Variants in FRAS1 observed in about 807,000 individuals in gnomAD.
FRAS1 encodes the protein Fraser extracellular matrix complex subunit 1.
In FRAS1, 290 loss-of-function variants were observed where a neutral mutation model predicts 435.2. The ratio of observed to expected loss-of-function variants is 0.67; its 90% CI spans 0.61 to 0.73. The LOEUF (loss-of-function observed/expected upper bound fraction) is 0.73, where lower values mean the gene tolerates loss of function less well. Among genes scored for constraint, FRAS1 ranks in the 30% least tolerant of loss-of-function variants. FRAS1 has a pLI of 0.00. For missense variants in FRAS1, 4,860 were observed against 5,001.5 expected, an observed-to-expected ratio of 0.97 and a Z score of 0.85; for synonymous variants, 1,800 against 1,851.0, an observed-to-expected ratio of 0.97 and a Z score of 0.71.
chr4:78,435,976 C>T (rs1313581532), intron 38 of FRAS1, among the ~76,000 whole-genome samples: 4 of 151,764 alleles, frequency 2.6e-5, no homozygotes, highest in African/African-American at 4.8e-5. Flanking sequence ...TAAGGAAGGG[C>T]GGAACATCTT....
intron 10 of FRAS1, among the ~76,000 whole-genome samples, chr4:78,280,723 G>A (rs970596595): frequency 1.3e-5 from 2 of 151,926 alleles, no homozygotes; most frequent in Non-Finnish European, 2.9e-5. Flanking sequence ...TGTAATCTTC[G>A]GCAAGTTACT....
In FRAS1 at chr4:78,536,904, A is replaced by G. The variant is rs1037063962; in HGVS notation, c.11093-91A>G. 9 of 981,026 alleles carry G rather than the reference A, an allele frequency of 9.2e-6. No individual in the cohort carries two copies. In the African/African-American group the frequency reaches 1.5e-4, roughly 16 times the overall value. 60.8% of individuals were successfully genotyped at this position (981,026 alleles called of 1,614,324 possible). On this transcript the variant is annotated intron_variant, in intron 71 of 73. Coordinates refer to ENST00000512123, the MANE Select transcript of FRAS1 (RefSeq NM_025074.7). ...TCATAGAAAAGTGCTTTTCACTCTT[A>G]AGGGAGCATGTTTAACCCCTTTCAA...
At chr4:78,443,310 A>G (rs1734733236) in intron 41 of FRAS1, among the ~76,000 whole-genome samples, 1 of 152,204 alleles carries the variant, frequency 6.6e-6, no homozygotes, top group Non-Finnish European at 1.5e-5. Flanking sequence ...GTGAGCTGTG[A>G]TTATGCCACT....
At chr4:78,128,324 C>T (rs572267503) in intron 2 of FRAS1, among the ~76,000 whole-genome samples, 19 of 152,300 alleles carry the variant, frequency 1.2e-4, no homozygotes, top group African/African-American at 4.6e-4. Context: ...TGAGGAATCG[C>T]CACACTGACT....
chr4:78,372,658 A>AACT, intron 23 of FRAS1, 60 bp from the exon 24 acceptor site: 1 of 1,595,516 alleles, frequency 6.3e-7, no homozygotes, highest in South Asian at 1.1e-5. Context: ...CTCATAAATG[A>AACT]ACTGCTGGGT....
At chr4:78,262,779 C>A (rs1726172287) in intron 6 of FRAS1, among the ~76,000 whole-genome samples, 1 of 152,126 alleles carries the variant, frequency 6.6e-6, no homozygotes, top group Non-Finnish European at 1.5e-5. Context: ...ATTGTAGTGG[C>A]ATTAGTAATA....
chr4:78,280,448 T>C (rs1727279273), intron 10 of FRAS1, among the ~76,000 whole-genome samples: 1 of 152,188 alleles, frequency 6.6e-6, no homozygotes, highest in Non-Finnish European at 1.5e-5. Flanking sequence ...AACTGATGAA[T>C]TTTTTATTTC....
intron 38 of FRAS1, among the ~76,000 whole-genome samples, chr4:78,433,431 C>G (rs548416559): frequency 6.6e-6 from 1 of 152,256 alleles, no homozygotes; most frequent in South Asian, 2.1e-4. Context: ...TCTTAAAGTT[C>G]CAACTAATGA....
chr4:78,381,309 A>G (rs1331884516), intron 27 of FRAS1, among the ~76,000 whole-genome samples: 1 of 152,096 alleles, frequency 6.6e-6, no homozygotes, highest in Non-Finnish European at 1.5e-5. Flanking sequence ...TATAAGTATT[A>G]TTATTGTTAT....
chr4:78,161,141 GA>G (rs906132071), intron 2 of FRAS1, among the ~76,000 whole-genome samples: 249 of 146,790 alleles, frequency 1.7e-3, no homozygotes, highest in African/African-American at 5.8e-3. Context: ...TCTTTCTCAG[GA>G]AAAAAAAAAT....
intron 72 of FRAS1, among the ~76,000 whole-genome samples, chr4:78,538,968 A>T (rs1721966860): frequency 1.3e-5 from 2 of 151,938 alleles, no homozygotes; most frequent in Admixed American, 1.3e-4. Flanking sequence ...AAAAAAAAAA[A>T]AAAAATCAGA....
chr4:78,456,530 CTAAT>C, intron 47 of FRAS1, among the ~76,000 whole-genome samples: 1 of 152,302 alleles, frequency 6.6e-6, no homozygotes, highest in African/African-American at 2.4e-5. Context: ...AACTGGGCAT[CTAAT>C]TACTTAACTA....
At position 78,400,787 on chromosome 4, in the gene FRAS1, G is replaced by C. The variant is rs1390093117; in HGVS notation, c.4029G>C (p.Gly1343=). The C allele has an allele frequency of 1.2e-6, 2 of 1,613,510 alleles. No individual in the cohort carries two copies. Among genetic ancestry groups the C allele is most frequent in the South Asian group, 1.1e-5 (1 of 90,968 alleles). ...VANSMVWVPE[G]GMLQITNRIL... Reference sequence around the variant, plus strand: ...ATTCGATGGTGTGGGTTCCAGAAGGGGGGATGCTGCAGATCACCAACAGAA... The same window carrying C: ...ATTCGATGGTGTGGGTTCCAGAAGGCGGGATGCTGCAGATCACCAACAGAA... Residue 1343 remains glycine (G), a synonymous_variant, in exon 30 of 74, where the codon GGG becomes GGC. Transcript: ENST00000512123.
intron 51 of FRAS1, among the ~76,000 whole-genome samples, chr4:78,470,498 C>A (rs1463956455): frequency 1.3e-5 from 2 of 152,074 alleles, no homozygotes; most frequent in Non-Finnish European, 2.9e-5. Context: ...AGAAATTCAT[C>A]AATATACAGT....
At chr4:78,253,759 A>G (rs1221695036) in intron 5 of FRAS1, among the ~76,000 whole-genome samples, 2 of 152,190 alleles carry the variant, frequency 1.3e-5, no homozygotes, top group African/African-American at 4.8e-5. Flanking sequence ...TCTGATTTAC[A>G]GTTCTGCATT....
chr4:78,160,177 G>GA (rs1721078513), intron 2 of FRAS1, among the ~76,000 whole-genome samples: 1 of 152,162 alleles, frequency 6.6e-6, no homozygotes, highest in South Asian at 2.1e-4. Flanking sequence ...AAGAATAAAT[G>GA]AAAAAAGCCT....
intron 2 of FRAS1, among the ~76,000 whole-genome samples, chr4:78,225,723 T>C: frequency 6.6e-6 from 1 of 152,190 alleles, no homozygotes; most frequent in Non-Finnish European, 1.5e-5. Flanking sequence ...GAATTTACAG[T>C]CTAAAATTCT....
chr4:78,355,189 A>AT (rs1009338164), intron 20 of FRAS1, among the ~76,000 whole-genome samples: 8 of 152,060 alleles, frequency 5.3e-5, no homozygotes, highest in African/African-American at 1.7e-4. Flanking sequence ...CTAATACTCC[A>AT]TTTTCGGGCT....
At chr4:78,414,130 G>C (rs1355899384) in intron 32 of FRAS1, among the ~76,000 whole-genome samples, 1 of 152,176 alleles carries the variant, frequency 6.6e-6, no homozygotes, top group African/African-American at 2.4e-5. Context: ...TGAATAGCTG[G>C]TATCGGCATT....
Sources: gnomAD v4.1 joint callset for allele counts (sites outside exome capture counted in the v4.1 genomes callset) on GRCh38, gnomAD v4.1.1 for gene constraint, MANE v1.5 for transcripts, NCBI Gene and HGNC (gene_info 2026-07-23, HGNC 2026-07-21) for gene names.